SCFD1: variants seen among roughly 807,000 people sequenced by gnomAD.
SCFD1 encodes sec1 family domain-containing protein 1.
A neutral mutation model predicts 103.2 loss-of-function variants in SCFD1; 37 were observed. That is an observed-to-expected ratio of 0.36 (90% CI 0.28 to 0.47). SCFD1 has a LOEUF of 0.47. Ranked by LOEUF, SCFD1 falls within the 20% of genes least tolerant of loss-of-function variation. The pLI is 1.00. For synonymous variants in SCFD1, 264 were observed against 245.0 expected (o/e 1.08, Z -0.73); for missense variants, 639 against 761.2 (o/e 0.84, Z 1.89).
intron 10 of SCFD1, among the ~76,000 whole-genome samples, chr14:30,656,159 A>G (rs1262820079): frequency 6.6e-6 from 1 of 151,992 alleles, no homozygotes; most frequent in Non-Finnish European, 1.5e-5. Context: ...CAAAATGTAA[A>G]TGTTGAGTAG....
chr14:30,650,351 C>T (rs1435712680), intron 8 of SCFD1, among the ~76,000 whole-genome samples: 1 of 152,172 alleles, frequency 6.6e-6, no homozygotes, highest in Admixed American at 6.5e-5. Flanking sequence ...TGACATCAGG[C>T]CCGACTCACA....
At chr14:30,668,777 G>A (rs1196481578) in intron 10 of SCFD1, among the ~76,000 whole-genome samples, 1 of 152,186 alleles carries the variant, frequency 6.6e-6, no homozygotes, top group African/African-American at 2.4e-5. Context: ...AGACATTTAT[G>A]CAGCCAAAAG....
chr14:30,648,773 A>T (rs10141944), intron 7 of SCFD1, among the ~76,000 whole-genome samples: 1 of 151,808 alleles, frequency 6.6e-6, no homozygotes, highest in East Asian at 1.9e-4. Context: ...GGCACACACC[A>T]CCATGCCCAG....
chr14:30,668,502 G>A (rs1473426986), intron 10 of SCFD1, among the ~76,000 whole-genome samples: 1 of 152,146 alleles, frequency 6.6e-6, no homozygotes, highest in African/African-American at 2.4e-5. Context: ...AGGACTTCAT[G>A]ACTAAAACAC....
intron 14 of SCFD1, among the ~76,000 whole-genome samples, chr14:30,684,710 C>A (rs2139272846): frequency 6.8e-6 from 1 of 147,930 alleles, no homozygotes; most frequent in South Asian, 2.2e-4. Flanking sequence ...TAGAATGTTC[C>A]CCTTTTACTC....
intron 10 of SCFD1, among the ~76,000 whole-genome samples, chr14:30,668,658 A>T (rs1027045333): frequency 1.3e-5 from 2 of 152,236 alleles, no homozygotes; most frequent in African/African-American, 4.8e-5. Flanking sequence ...CATCTGACAA[A>T]GGGCTAATAA....
At chr14:30,696,541 A>G (rs1431081331) in intron 15 of SCFD1, among the ~76,000 whole-genome samples, 1 of 152,226 alleles carries the variant, frequency 6.6e-6, no homozygotes, top group Non-Finnish European at 1.5e-5. Flanking sequence ...ACTTCGGTCC[A>G]GAATAAGATG....
intron 4 of SCFD1, among the ~76,000 whole-genome samples, chr14:30,637,342 G>A (rs1273951597): frequency 6.6e-6 from 1 of 151,850 alleles, no homozygotes; most frequent in Non-Finnish European, 1.5e-5. Context: ...TCCCAGTATC[G>A]TGAACATATT....
At chr14:30,695,507 G>C (rs1176531348) in intron 15 of SCFD1, among the ~76,000 whole-genome samples, 1 of 152,102 alleles carries the variant, frequency 6.6e-6, no homozygotes, top group East Asian at 1.9e-4. Flanking sequence ...GAAAGGGAGA[G>C]AGGTGGAGGG....
chr14:30,624,595 C>T (rs528485041), intron 1 of SCFD1, among the ~76,000 whole-genome samples: 4 of 152,286 alleles, frequency 2.6e-5, no homozygotes, highest in South Asian at 4.1e-4. Context: ...AGGTCCTGTC[C>T]ACCATGAATT....
chr14:30,646,009 G>T (rs1237928562), intron 7 of SCFD1, among the ~76,000 whole-genome samples: 1 of 151,896 alleles, frequency 6.6e-6, no homozygotes, highest in Non-Finnish European at 1.5e-5. Flanking sequence ...CTAATTTGTT[G>T]AGGGTTTTTT....
At chr14:30,628,401 C>G in intron 2 of SCFD1, 122 bp downstream of exon 2, 1 of 615,108 alleles carries the variant, frequency 1.6e-6, no homozygotes. Context: ...AATGTTTTAT[C>G]CTTATTTAAC....
intron 10 of SCFD1, among the ~76,000 whole-genome samples, chr14:30,655,413 G>A (rs558208848): frequency 1.3e-5 from 2 of 152,250 alleles, no homozygotes; most frequent in South Asian, 2.1e-4. Context: ...GGACTCTAGG[G>A]ATTATAGTAT....
At chr14:30,708,970 A>G (rs1487268791) in intron 19 of SCFD1, among the ~76,000 whole-genome samples, 3 of 152,136 alleles carry the variant, frequency 2.0e-5, no homozygotes, top group Non-Finnish European at 2.9e-5. Flanking sequence ...AAATTTTCAA[A>G]TATGCATTAT....
chr14:30,682,281 A>G (rs1402372447), intron 14 of SCFD1, among the ~76,000 whole-genome samples: 1 of 152,246 alleles, frequency 6.6e-6, no homozygotes, highest in East Asian at 1.9e-4. Context: ...GAGAGGTAGA[A>G]GTAAAATGAA....
intron 19 of SCFD1, among the ~76,000 whole-genome samples, chr14:30,713,253 C>T (rs1892021204): frequency 6.6e-6 from 1 of 152,108 alleles, no homozygotes; most frequent in South Asian, 2.1e-4. Flanking sequence ...TTTTTAAAAT[C>T]ATTCTCTGTA....
Position 30,674,975 on chromosome 14 carries a change from T to C in SCFD1, c.1161-9T>C, listed in dbSNP as rs769837384. 8 of 1,529,684 alleles carry C rather than the reference T, an allele frequency of 5.2e-6. No homozygotes were observed. The highest frequency in any genetic ancestry group is 3.4e-4 in the Middle Eastern group (2 of 5,804). The allele number at this position is 1,529,684 out of a possible 1,614,324, so 94.8% of individuals were successfully genotyped here. On this transcript the variant is annotated splice_polypyrimidine_tract_variant and intron_variant, in intron 13 of 24. Transcript: ENST00000458591. Reference sequence around the variant, plus strand: ...TATTGGTTAATATTTAATTTTTTGATACTTGCAGTTCTTTGCCAGAACTCC... The same window carrying C: ...TATTGGTTAATATTTAATTTTTTGACACTTGCAGTTCTTTGCCAGAACTCC...
intron 10 of SCFD1, among the ~76,000 whole-genome samples, chr14:30,669,511 GGGTTT>G (rs1218308774): frequency 6.6e-6 from 1 of 151,918 alleles, no homozygotes; most frequent in Non-Finnish European, 1.5e-5. Context: ...TGGTTTTTGT[GGGTTT>G]GGTTTGGTTT....
chr14:30,707,769 CTA>C, intron 18 of SCFD1: 1 of 572,528 alleles, frequency 1.7e-6, no homozygotes, highest in South Asian at 1.7e-5. Context: ...TAATTATTGA[CTA>C]ATCAGAGTAT....
Sources: gnomAD v4.1 joint callset for allele counts (sites outside exome capture counted in the v4.1 genomes callset) on GRCh38, gnomAD v4.1.1 for gene constraint, MANE v1.5 for transcripts, NCBI Gene and HGNC (gene_info 2026-07-23, HGNC 2026-07-21) for gene names.